The following PRKG1 variants were observed in gnomAD, a reference collection of about 807,000 sequenced individuals.
The protein encoded by PRKG1 is cGMP-dependent protein kinase 1.
Under a neutral mutation model 88.1 loss-of-function variants are expected in PRKG1, and 35 were observed. That is an observed-to-expected ratio of 0.40 (90% confidence interval 0.30 to 0.53). The LOEUF (loss-of-function observed/expected upper bound fraction) is 0.53, where lower values mean the gene tolerates loss of function less well. Ranked by LOEUF, PRKG1 falls within the 20% of genes least tolerant of loss-of-function variation. The pLI, the probability that PRKG1 is intolerant of heterozygous loss-of-function variation, is 0.59. For missense variants in PRKG1, 540 were observed against 839.8 expected (o/e 0.64, Z 4.41); for synonymous variants, 303 against 292.5 (o/e 1.04, Z -0.37).
intron 3 of PRKG1, among the ~76,000 whole-genome samples, chr10:51,585,476 C>A (rs181249041): frequency 2.6e-5 from 4 of 152,102 alleles, no homozygotes; most frequent in African/African-American, 7.2e-5. Context: ...TTTAATATTA[C>A]CTACAGATGG....
intron 2 of PRKG1, among the ~76,000 whole-genome samples, chr10:51,372,151 G>A (rs184417968): frequency 5.9e-4 from 90 of 152,236 alleles, no homozygotes; most frequent in African/African-American, 2.0e-3. Flanking sequence ...ATCTCTAATG[G>A]AACTGCTAGT....
intron 1 of PRKG1, among the ~76,000 whole-genome samples, chr10:51,131,144 TTTTGG>T (rs1277536210): frequency 4.6e-5 from 7 of 152,206 alleles, no homozygotes; most frequent in Non-Finnish European, 8.8e-5. Flanking sequence ...GTATGGCACG[TTTTGG>T]TTTGATTTCC....
chr10:51,450,850 TAA>T (rs78144019), intron 2 of PRKG1, among the ~76,000 whole-genome samples: 5 of 138,408 alleles, frequency 3.6e-5, no homozygotes, highest in Admixed American at 7.2e-5. Flanking sequence ...TAACAAAAAT[TAA>T]AAAAAAAAAA....
chr10:51,747,417 T>C (rs917487966), intron 3 of PRKG1, among the ~76,000 whole-genome samples: 4 of 152,096 alleles, frequency 2.6e-5, no homozygotes, highest in African/African-American at 7.2e-5. Flanking sequence ...CATTTGCTCA[T>C]GTTCTGCCCA....
At chr10:51,495,239 C>T (rs147455943) in intron 3 of PRKG1, among the ~76,000 whole-genome samples, 2,545 of 152,186 alleles carry the variant, frequency 0.017, 34 homozygotes, top group Non-Finnish European at 0.022. Context: ...GGACTACAGG[C>T]GAGCGCCACC....
chr10:52,242,544 A>G (rs1589728053), intron 9 of PRKG1, among the ~76,000 whole-genome samples: 1 of 152,222 alleles, frequency 6.6e-6, no homozygotes, highest in East Asian at 1.9e-4. Flanking sequence ...ATATACCAAA[A>G]GGGAGAAAAC....
At chr10:52,075,218 A>G (rs1174665477) in intron 7 of PRKG1, among the ~76,000 whole-genome samples, 1 of 152,232 alleles carries the variant, frequency 6.6e-6, no homozygotes, top group Non-Finnish European at 1.5e-5. Flanking sequence ...ATAAATTTGT[A>G]AAAGATGTGT....
intron 3 of PRKG1, among the ~76,000 whole-genome samples, chr10:51,670,660 C>T (rs1337152566): frequency 6.8e-6 from 1 of 147,748 alleles, no homozygotes; most frequent in Non-Finnish European, 1.5e-5. Context: ...GGCGTGAACC[C>T]GGGAGGCAGA....
chr10:51,018,553 G>GT lies in PRKG1; in HGVS notation c.266+26916dup, dbSNP rs1311889714. The stretch of plus-strand genomic sequence containing the variant: ...GCCTCTTTTACGGTAGATAAAATCA[G>GT]TTTTTTTGATAAGGACACTGAAGCA... On this transcript the variant is annotated intron_variant, in intron 1 of 17. Coordinates refer to the PRKG1 transcript ENST00000401604. Among the ~76,000 whole-genome samples the GT allele has an allele frequency of 3.3e-5, 5 of 152,086 alleles. No homozygotes were observed. In the East Asian group the frequency reaches 9.6e-4, roughly 29 times the overall value.
intron 2 of PRKG1, among the ~76,000 whole-genome samples, chr10:51,356,072 T>A (rs896847468): frequency 1.3e-5 from 2 of 152,024 alleles, no homozygotes; most frequent in Middle Eastern, 3.2e-3. Flanking sequence ...CATCATAGAA[T>A]TCACCTTATT....
intron 9 of PRKG1, chr10:52,230,770 A>G (rs1221981713): frequency 6.6e-6 from 1 of 152,216 alleles, no homozygotes; most frequent in Non-Finnish European, 1.5e-5. Flanking sequence ...CCTTGACCCT[A>G]TCAAAAGATA....
At chr10:51,955,611 T>A (rs779708739) in intron 5 of PRKG1, among the ~76,000 whole-genome samples, 1 of 152,158 alleles carries the variant, frequency 6.6e-6, no homozygotes, top group African/African-American at 2.4e-5. Flanking sequence ...AGTTTTTTAA[T>A]GTTGTCAAAT....
At chr10:51,370,860 C>A (rs2132607740) in intron 2 of PRKG1, among the ~76,000 whole-genome samples, 1 of 152,030 alleles carries the variant, frequency 6.6e-6, no homozygotes, top group South Asian at 2.1e-4. Flanking sequence ...GTTCAGACTA[C>A]CTACATGGCC....
chr10:51,199,942 G>T (rs1473227856), intron 2 of PRKG1, among the ~76,000 whole-genome samples: 1 of 152,156 alleles, frequency 6.6e-6, no homozygotes, highest in Non-Finnish European at 1.5e-5. Flanking sequence ...ATGCAAGAGA[G>T]CTGTTTCTTC....
At chr10:51,911,716 A>G (rs1456023442) in intron 5 of PRKG1, among the ~76,000 whole-genome samples, 19 of 152,256 alleles carry the variant, frequency 1.2e-4, no homozygotes, top group Non-Finnish European at 1.0e-4. Flanking sequence ...ACTAAATTAT[A>G]TATCAGATAA....
intron 9 of PRKG1, among the ~76,000 whole-genome samples, chr10:52,171,607 T>G (rs1838677973): frequency 1.3e-5 from 2 of 152,076 alleles, no homozygotes; most frequent in African/African-American, 4.8e-5. Context: ...TATACAATGG[T>G]TTCTAAGGCC....
chr10:51,791,449 T>C (rs780328297), intron 3 of PRKG1, among the ~76,000 whole-genome samples: 8 of 152,152 alleles, frequency 5.3e-5, no homozygotes, highest in Non-Finnish European at 1.2e-4. Flanking sequence ...TCAAATACTT[T>C]AGGTCTTTTA....
At chr10:52,091,911 G>A (rs1014823703) in intron 7 of PRKG1, among the ~76,000 whole-genome samples, 14 of 152,152 alleles carry the variant, frequency 9.2e-5, no homozygotes, top group Non-Finnish European at 1.2e-4. Flanking sequence ...TTTTGAAAGC[G>A]AATCAGATAT....
chr10:51,093,704 C>G (rs762594686), intron 1 of PRKG1, among the ~76,000 whole-genome samples: 1 of 138,550 alleles, frequency 7.2e-6, no homozygotes, highest in Non-Finnish European at 1.5e-5. Flanking sequence ...TATATGTATA[C>G]TATATATAAA....
Sources: allele counts gnomAD v4.1 joint callset (sites outside exome capture counted in the v4.1 genomes callset), GRCh38; gene constraint gnomAD v4.1.1; transcripts MANE v1.5; gene names NCBI Gene and HGNC (gene_info 2026-07-23, HGNC 2026-07-21).